ANO6: variants seen among roughly 807,000 people sequenced by gnomAD.
The protein encoded by ANO6 is anoctamin-6.
In ANO6, 106 loss-of-function variants were observed where a neutral mutation model predicts 117.5. The ratio of observed to expected loss-of-function variants is 0.90; its 90% CI spans 0.77 to 1.06. ANO6 has a LOEUF of 1.06. ANO6 is among the 50% of genes least tolerant of loss of function. The pLI, the probability that ANO6 is intolerant of heterozygous loss-of-function variation, is 0.00. For synonymous variants in ANO6, 367 were observed against 385.1 expected (o/e 0.95, Z 0.55); for missense variants, 955 against 1,121.1 (o/e 0.85, Z 2.12).
chr12:45,287,252 T>C (rs901592326), intron 1 of ANO6, among the ~76,000 whole-genome samples: 4 of 152,204 alleles, frequency 2.6e-5, no homozygotes, highest in South Asian at 2.1e-4. Context: ...GAGAGAATGC[T>C]ACCTAAGGCC....
chr12:45,377,344 A>G (rs1942055703), intron 9 of ANO6, among the ~76,000 whole-genome samples: 1 of 152,206 alleles, frequency 6.6e-6, no homozygotes, highest in Admixed American at 6.5e-5. Flanking sequence ...TAGGCTACAT[A>G]TATAATAGCA....
At chr12:45,381,087 C>T (rs953562809) in intron 10 of ANO6, among the ~76,000 whole-genome samples, 2 of 152,192 alleles carry the variant, frequency 1.3e-5, no homozygotes, top group Non-Finnish European at 2.9e-5. Flanking sequence ...CAAACTCTTA[C>T]AGCAACCAGA....
At chr12:45,300,434 C>T (rs1939444328) in intron 1 of ANO6, among the ~76,000 whole-genome samples, 1 of 152,196 alleles carries the variant, frequency 6.6e-6, no homozygotes, top group Non-Finnish European at 1.5e-5. Flanking sequence ...CCACCTTGGC[C>T]TCCAAAGTGC....
At chr12:45,257,390 G>A (rs1459149592) in intron 1 of ANO6, among the ~76,000 whole-genome samples, 2 of 152,144 alleles carry the variant, frequency 1.3e-5, no homozygotes, top group East Asian at 3.9e-4. Flanking sequence ...ATGTGCCACA[G>A]ACTCTTCAGC....
chr12:45,328,654 C>T (rs1396078328), intron 2 of ANO6, among the ~76,000 whole-genome samples: 1 of 152,074 alleles, frequency 6.6e-6, no homozygotes, highest in African/African-American at 2.4e-5. Context: ...GCTTTTGCTT[C>T]TAATCTTTTG....
chr12:45,350,638 A>C, intron 6 of ANO6, 21 bp from the exon 7 acceptor site: 1 of 1,578,800 alleles, frequency 6.3e-7, no homozygotes, highest in Non-Finnish European at 8.7e-7. Flanking sequence ...TGGTGCTTAC[A>C]TGTTCCCTTC....
At chr12:45,395,667 G>A (rs2137603864) in intron 12 of ANO6, among the ~76,000 whole-genome samples, 1 of 152,244 alleles carries the variant, frequency 6.6e-6, no homozygotes, top group Middle Eastern at 3.4e-3. Flanking sequence ...TTCATCCCTG[G>A]GATGCAAGGC....
At chr12:45,265,948 G>A (rs1280939010) in intron 1 of ANO6, among the ~76,000 whole-genome samples, 1 of 152,148 alleles carries the variant, frequency 6.6e-6, no homozygotes, top group African/African-American at 2.4e-5. Flanking sequence ...CACAGTTCTT[G>A]CCTTCAGAAC....
At chr12:45,218,672 A>G (rs990157514) in intron 1 of ANO6, among the ~76,000 whole-genome samples, 8 of 152,146 alleles carry the variant, frequency 5.3e-5, no homozygotes, top group Admixed American at 2.0e-4. Flanking sequence ...AAGCCTTTTT[A>G]AAGATTACCA....
Position 45,423,117 on chromosome 12 carries a change from C to G in ANO6, c.2526+55C>G, listed in dbSNP as rs549662052. ...TAAGGATGTGTATTTGCAGACCTTCCATTAAGTGTTGCCAACTCCATACTT... is the reference window on the plus strand; with the variant it reads ...TAAGGATGTGTATTTGCAGACCTTCGATTAAGTGTTGCCAACTCCATACTT... On this transcript the variant is annotated intron_variant, in intron 19 of 19. Transcript: ENST00000320560. The G allele has an allele frequency of 4.8e-4, 648 of 1,341,206 alleles. 8 individuals are homozygous for G. In the South Asian group the frequency reaches 7.1e-3, roughly 15 times the overall value. The allele number at this position is 1,341,206 out of a possible 1,614,324, so 83.1% of individuals were successfully genotyped here.
At chr12:45,385,487 T>A (rs781446076) in intron 10 of ANO6, among the ~76,000 whole-genome samples, 2 of 151,960 alleles carry the variant, frequency 1.3e-5, no homozygotes, top group Non-Finnish European at 2.9e-5. Context: ...CTTTGGTAAG[T>A]GGGTGGTGTA....
intron 12 of ANO6, among the ~76,000 whole-genome samples, chr12:45,400,927 G>A (rs1565752368): frequency 1.3e-5 from 2 of 152,326 alleles, no homozygotes; most frequent in East Asian, 3.9e-4. Context: ...CTCCAATAGT[G>A]TCTAGTACTG....
chr12:45,371,529 G>C (rs1941834763), intron 9 of ANO6, among the ~76,000 whole-genome samples: 1 of 151,486 alleles, frequency 6.6e-6, no homozygotes, highest in African/African-American at 2.4e-5. Context: ...CAGGCAGACT[G>C]CCTCCTCAAG....
chr12:45,296,221 C>T (rs1432944986), intron 1 of ANO6, among the ~76,000 whole-genome samples: 3 of 152,290 alleles, frequency 2.0e-5, no homozygotes, highest in East Asian at 1.9e-4. Context: ...TACAAGACAG[C>T]GTGGCAGATC....
intron 1 of ANO6, among the ~76,000 whole-genome samples, chr12:45,249,560 T>C (rs1180622922): frequency 6.6e-6 from 1 of 152,178 alleles, no homozygotes; most frequent in African/African-American, 2.4e-5. Flanking sequence ...GGGCAAGAGG[T>C]TCCCATTTTA....
At chr12:45,399,658 A>G (rs1454917698) in intron 12 of ANO6, among the ~76,000 whole-genome samples, 1 of 152,136 alleles carries the variant, frequency 6.6e-6, no homozygotes, top group Non-Finnish European at 1.5e-5. Flanking sequence ...TCTCAAACCA[A>G]TCAGGTTGTA....
At position 45,403,202 on chromosome 12, in the gene ANO6, A is replaced by G. The variant is rs560196066; in HGVS notation, c.1743A>G (p.Gly581=). 3.7e-6 allele frequency: 6 copies of G among 1,614,022 alleles called. No homozygotes were observed. Among genetic ancestry groups the G allele is most frequent in the Middle Eastern group, 1.7e-4 (1 of 6,058 alleles). The change falls in exon 14 of 20, where the codon GGA becomes GGG. Residue 581 remains glycine (G), a synonymous_variant. Coordinates refer to ENST00000320560, the MANE Select transcript of ANO6 (RefSeq NM_001025356.3). ...FFKGKFVGYP[G]DPVYWLGKYR... is the part of the protein sequence containing the mutation. Reference sequence around the variant, plus strand: ...AGGGCAAATTTGTAGGCTATCCAGGAGACCCAGTTTATTGGTTGGGAAAAT... The same window carrying G: ...AGGGCAAATTTGTAGGCTATCCAGGGGACCCAGTTTATTGGTTGGGAAAAT...
At chr12:45,434,896 T>C (rs1318784601), downstream of ANO6, among the ~76,000 whole-genome samples, 1 of 152,184 alleles carries the variant, frequency 6.6e-6, no homozygotes, top group African/African-American at 2.4e-5. Flanking sequence ...TCACCCTTCA[T>C]TAATAATGAG....
intron 1 of ANO6, among the ~76,000 whole-genome samples, chr12:45,226,441 A>T (rs1000909328): frequency 6.6e-6 from 1 of 151,776 alleles, no homozygotes; most frequent in Non-Finnish European, 1.5e-5. Flanking sequence ...AAAAAGGGAC[A>T]TTGGCACTTA....
Sources: gnomAD v4.1 joint callset for allele counts (sites outside exome capture counted in the v4.1 genomes callset) on GRCh38, gnomAD v4.1.1 for gene constraint, MANE v1.5 for transcripts, NCBI Gene and HGNC (gene_info 2026-07-23, HGNC 2026-07-21) for gene names.